NKIRAS2: variants seen among roughly 807,000 people sequenced by gnomAD.
NKIRAS2 encodes NF-kappa-B inhibitor-interacting Ras-like protein 2.
In NKIRAS2, 15 loss-of-function variants were observed where a neutral mutation model predicts 20.7. The ratio of observed to expected loss-of-function variants is 0.73; its 90% CI spans 0.49 to 1.12. The LOEUF is 1.12. Ranked by LOEUF, NKIRAS2 falls within the 50% of genes most tolerant of loss-of-function variation. NKIRAS2 has a pLI of 0.00. For missense variants in NKIRAS2, 196 were observed against 249.6 expected, an observed-to-expected ratio of 0.79 and a Z score of 1.45; for synonymous variants, 116 against 101.4, an observed-to-expected ratio of 1.14 and a Z score of -0.87.
At chr17:42,021,969 G>T in intron 2 of NKIRAS2, 1 of 595,602 alleles carries the variant, frequency 1.7e-6, no homozygotes, top group Non-Finnish European at 3.2e-6. Flanking sequence ...GAGCACTTTG[G>T]GAGGCTGAGG....
Position 42,025,285 on chromosome 17 carries a change from T to C in NKIRAS2, c.*1392T>C, listed in dbSNP as rs1555654004. On this transcript the variant is annotated 3_prime_UTR_variant, in exon 4 of 4. Coordinates refer to ENST00000393885, the MANE Select transcript of NKIRAS2 (RefSeq NM_017595.6). The stretch of plus-strand genomic sequence containing the variant: ...GTGAAGGCTGGACAAGGTGCTCCTC[T>C]GGCCCCTCCTTCTTACCTCAGATGC... 1 of 152,714 alleles carries C rather than the reference T, an allele frequency of 6.5e-6. No individual in the cohort carries two copies. The highest frequency in any genetic ancestry group is 1.5e-5 in the Non-Finnish European group (1 of 68,080). The allele number at this position is 152,714 out of a possible 1,614,324, so 9.5% of individuals were successfully genotyped here.
intron 3 of NKIRAS2, chr17:42,022,906 A>C (rs2052492497): frequency 4.9e-6 from 2 of 404,064 alleles, no homozygotes. Flanking sequence ...CACTGACCTA[A>C]TGTATGAAGC....
At chr17:42,020,754 G>A (rs2052425314) in intron 1 of NKIRAS2, 1 of 152,016 alleles carries the variant, frequency 6.6e-6, no homozygotes, top group Non-Finnish European at 1.5e-5. Flanking sequence ...GTCTTTTTTT[G>A]AGACGGAGTC....
chr17:42,023,980 G>A lies in NKIRAS2; in HGVS notation c.*87G>A. 6.5e-7 allele frequency: 1 copy of A among 1,539,504 alleles called. No homozygotes were observed. The highest frequency in any genetic ancestry group is 1.3e-5 in the South Asian group (1 of 79,010). ...GTGTTGAGGGCAAAGTAGAGGACAA[G>A]CTGTCTTTCCCAGTCAGCCAGGGAG... is the stretch of plus-strand genomic sequence containing the variant. On this transcript the variant is annotated 3_prime_UTR_variant, in exon 4 of 4. Coordinates refer to ENST00000393885, the MANE Select transcript of NKIRAS2 (RefSeq NM_017595.6).
At chr17:42,021,723 A>G (rs782670940) in intron 2 of NKIRAS2, 52 bp downstream of exon 2, 12 of 1,498,298 alleles carry the variant, frequency 8.0e-6, no homozygotes, top group Non-Finnish European at 1.1e-5. Flanking sequence ...AAAATAAGGA[A>G]TAGGACTTGA....
At chr17:42,023,532 AGAGAT>A in intron 3 of NKIRAS2, 117 bp from the exon 4 acceptor site, 1 of 847,766 alleles carries the variant, frequency 1.2e-6, no homozygotes, top group Non-Finnish European at 1.9e-6. Context: ...GAATCTAGAA[AGAGAT>A]GAGATATCAG....
intron 2 of NKIRAS2, chr17:42,022,075 G>A (rs556641817): frequency 9.7e-5 from 42 of 435,184 alleles, no homozygotes; most frequent in African/African-American, 8.2e-4. Context: ...CGGGTGTGGT[G>A]GCACATGCCT....
In NKIRAS2 at chr17:42,023,982, T is replaced by A; in HGVS notation, c.*89T>A. ...GTTGAGGGCAAAGTAGAGGACAAGC[T>A]GTCTTTCCCAGTCAGCCAGGGAGCT... On this transcript the variant is annotated 3_prime_UTR_variant, in exon 4 of 4. Transcript: ENST00000393885. 6.5e-7 allele frequency: 1 copy of A among 1,533,296 alleles called. No homozygotes were observed. Among genetic ancestry groups the A allele is most frequent in the Non-Finnish European group, 8.7e-7 (1 of 1,142,956 alleles). The allele number at this position is 1,533,296 out of a possible 1,614,324, so 95.0% of individuals were successfully genotyped here. A position where few individuals can be genotyped will look rare whatever the true frequency, so the allele number is the denominator to read the frequency against.
At chr17:42,022,771 C>A in intron 3 of NKIRAS2, 131 bp downstream of exon 3, 2 of 1,104,358 alleles carry the variant, frequency 1.8e-6, no homozygotes, top group Non-Finnish European at 2.6e-6. Context: ...GGGTGGAGGC[C>A]ACTGAGGGTA....
At chr17:42,023,387 TGCTAATAATGA>T (rs1424836183) in intron 3 of NKIRAS2, among the ~76,000 whole-genome samples, 13 of 152,204 alleles carry the variant, frequency 8.5e-5, no homozygotes. Flanking sequence ...AGAAACTGAC[TGCTAATAATGA>T]GCATGTATGG....
rs782765413 is a variant in NKIRAS2, at chr17:42,022,371, T to C, written c.95-28T>C. The C allele has an allele frequency of 3.9e-6, 6 of 1,550,370 alleles. 1 individual carries two copies. The highest frequency in any genetic ancestry group is 2.4e-5 in the South Asian group (2 of 82,432). On this transcript the variant is annotated intron_variant, in intron 2 of 3. Transcript: ENST00000393885. ...TCACATTTCCCATCTCTCTCTCCAC[T>C]TCAGACAGTTTTCTCATTTTATACC...
chr17:42,018,419 G>A (rs1284001165), upstream of NKIRAS2: 3 of 152,164 alleles, frequency 2.0e-5, no homozygotes, highest in Admixed American at 6.6e-5. Flanking sequence ...GAGGGCAAAG[G>A]AATTTTAAAA....
chr17:42,017,764 A>C, upstream of NKIRAS2: 1 of 362,780 alleles, frequency 2.8e-6, no homozygotes, highest in African/African-American at 2.2e-5. Context: ...GTCTTCCTGA[A>C]AGGCTCCGTG....
At chr17:42,017,586 G>C, upstream of NKIRAS2, 1 of 805,876 alleles carries the variant, frequency 1.2e-6, no homozygotes, top group Non-Finnish European at 1.9e-6. Context: ...GGATGTCCAC[G>C]GTGGTCTCCG....
At position 42,021,652 on chromosome 17, in the gene NKIRAS2, G is replaced by T. The variant is rs1024720781; in HGVS notation, c.75G>T (p.Leu25=). Residue 25 remains leucine, a synonymous_variant, in exon 2 of 4, where the codon CTG becomes CTT. Transcript: ENST00000393885. Reference sequence around the variant, plus strand: ...AAACTTCAATCCTGGAGCAGCTTCTGTATGGGAACCATGTAGTGGGTGAGT... The same window carrying T: ...AAACTTCAATCCTGGAGCAGCTTCTTTATGGGAACCATGTAGTGGGTGAGT... ...VGKTSILEQL[L]YGNHVVGSEM... The T allele has an allele frequency of 1.2e-6, 2 of 1,614,176 alleles. No individual in the cohort carries two copies. The highest frequency in any genetic ancestry group is 1.7e-6 in the Non-Finnish European group (2 of 1,180,002).
chr17:42,017,584 A>C (rs1453419995), upstream of NKIRAS2: 1 of 834,224 alleles, frequency 1.2e-6, no homozygotes, highest in Non-Finnish European at 1.8e-6. Flanking sequence ...CCGGATGTCC[A>C]CGGTGGTCTC....
chr17:42,017,616 G>T (rs1484809676), upstream of NKIRAS2: 1 of 642,638 alleles, frequency 1.6e-6, no homozygotes, highest in South Asian at 1.9e-5. Flanking sequence ...GGGAGCCCAG[G>T]GGCTGTGCCG....
chr17:42,021,635 A>G lies in NKIRAS2; in HGVS notation c.58A>G (p.Ile20Val), dbSNP rs2052452501. The G allele has an allele frequency of 5.6e-6, 9 of 1,614,148 alleles. No homozygotes were observed. Among genetic ancestry groups the G allele is most frequent in the East Asian group, 2.2e-5 (1 of 44,888 alleles). Residue 20 changes from isoleucine to valine, a missense_variant, in exon 2 of 4, where the codon ATC becomes GTC. Ile to Val is a conservative substitution (Grantham distance 29). Coordinates refer to ENST00000393885, the MANE Select transcript of NKIRAS2 (RefSeq NM_017595.6). ...CGQASVGKTS[I>V]LEQLLYGNHV... ...CCAGGCGTCTGTGGGCAAAACTTCA[A>G]TCCTGGAGCAGCTTCTGTATGGGAA...
In NKIRAS2 at chr17:42,024,128, A is replaced by T; in HGVS notation, c.*235A>T. On this transcript the variant is annotated 3_prime_UTR_variant, in exon 4 of 4. Coordinates refer to ENST00000393885, the MANE Select transcript of NKIRAS2 (RefSeq NM_017595.6). Reference sequence around the variant, plus strand: ...TACTCCCCATCCCAGCTTTTAGAGGATCTGCTCCACTGTCTCCTGGGGCAG... The same window carrying T: ...TACTCCCCATCCCAGCTTTTAGAGGTTCTGCTCCACTGTCTCCTGGGGCAG... 1.8e-6 allele frequency: 1 copy of T among 564,892 alleles called. No individual in the cohort carries two copies. The highest frequency in any genetic ancestry group is 3.0e-6 in the Non-Finnish European group (1 of 329,544). 35.0% of individuals were successfully genotyped at this position (564,892 alleles called of 1,614,324 possible).
Sources: gnomAD v4.1 joint callset for allele counts (sites outside exome capture counted in the v4.1 genomes callset) on GRCh38, gnomAD v4.1.1 for gene constraint, MANE v1.5 for transcripts, NCBI Gene and HGNC (gene_info 2026-07-23, HGNC 2026-07-21) for gene names.